SLC25A21: variants seen among roughly 807,000 people sequenced by gnomAD.
SLC25A21 encodes solute carrier family 25 member 21.
Under a neutral mutation model 43.8 loss-of-function variants are expected in SLC25A21, and 47 were observed. That is an observed-to-expected ratio of 1.07 (90% confidence interval 0.85 to 1.37). The LOEUF is 1.37. SLC25A21 is among the 40% of genes most tolerant of loss of function. The pLI, the probability that SLC25A21 is intolerant of heterozygous loss-of-function variation, is 0.00. For missense variants in SLC25A21, 352 were observed against 350.2 expected (o/e 1.00, Z -0.04); for synonymous variants, 131 against 121.3 (o/e 1.08, Z -0.52).
intron 1 of SLC25A21, among the ~76,000 whole-genome samples, chr14:37,084,907 C>A (rs890562706): frequency 2.0e-5 from 3 of 152,142 alleles, no homozygotes; most frequent in Non-Finnish European, 4.4e-5. Context: ...TAATCTATTC[C>A]TTTTTCCTTT....
chr14:36,719,410 C>T (rs573143877), intron 6 of SLC25A21, among the ~76,000 whole-genome samples: 1 of 152,286 alleles, frequency 6.6e-6, no homozygotes, highest in Non-Finnish European at 1.5e-5. Flanking sequence ...AACTCTTTGC[C>T]TGGGTTTAGT....
At chr14:37,085,915 C>T (rs1042054691) in intron 1 of SLC25A21, among the ~76,000 whole-genome samples, 1 of 152,110 alleles carries the variant, frequency 6.6e-6, no homozygotes, top group Non-Finnish European at 1.5e-5. Context: ...ACCATCCTGG[C>T]TAACACGGTG....
chr14:36,872,798 A>G (rs1239173011), intron 2 of SLC25A21, among the ~76,000 whole-genome samples: 2 of 152,228 alleles, frequency 1.3e-5, no homozygotes, highest in Non-Finnish European at 2.9e-5. Context: ...ATAAAGCCCC[A>G]GTAACTTGTT....
chr14:36,860,730 C>G (rs768554375), intron 2 of SLC25A21, among the ~76,000 whole-genome samples: 1 of 152,132 alleles, frequency 6.6e-6, no homozygotes, highest in South Asian at 2.1e-4. Context: ...AACACAAATA[C>G]AGAGACAAGA....
chr14:37,077,359 C>T (rs777412306), intron 1 of SLC25A21, among the ~76,000 whole-genome samples: 2 of 152,142 alleles, frequency 1.3e-5, no homozygotes, highest in Non-Finnish European at 2.9e-5. Context: ...TACTTTTCAA[C>T]ATTGTAAAGT....
intron 1 of SLC25A21, among the ~76,000 whole-genome samples, chr14:36,924,224 C>T (rs1892065499): frequency 6.6e-6 from 1 of 152,102 alleles, no homozygotes; most frequent in Non-Finnish European, 1.5e-5. Flanking sequence ...GACACATGCA[C>T]ATGTATGTTT....
chr14:36,866,931 G>T (rs1009063588), intron 2 of SLC25A21, among the ~76,000 whole-genome samples: 2 of 152,156 alleles, frequency 1.3e-5, no homozygotes, highest in Admixed American at 1.3e-4. Flanking sequence ...TTTATTATTA[G>T]AATTAATTTT....
chr14:37,017,532 CA>C (rs1960887593), intron 1 of SLC25A21, among the ~76,000 whole-genome samples: 1 of 151,962 alleles, frequency 6.6e-6, no homozygotes, highest in Non-Finnish European at 1.5e-5. Context: ...TGGGAATTGT[CA>C]AAATGTGACA....
chr14:36,776,439 C>T (rs1886837928), intron 3 of SLC25A21, among the ~76,000 whole-genome samples: 1 of 151,460 alleles, frequency 6.6e-6, no homozygotes. Context: ...GGGGTTTCAC[C>T]GGGTTAGCCA....
rs1883860535 is a variant in SLC25A21 at position 36,711,401 on chromosome 14, C to T, written c.520G>A (p.Ala174Thr). Residue 174 changes from alanine to threonine, a missense_variant, in exon 7 of 10, where the codon GCA becomes ACA. By Grantham distance (58) the Ala-to-Thr change is moderately conservative. Transcript: ENST00000331299. ...GLQGLNKGLT[A>T]TLGRHGVFNM... ...AAAACTCCATGTCGTCCCAAAGTTG[C>T]AGTTAATCCTTTGTTGAGGCCCTGG... 1 of 1,613,960 alleles carries T rather than the reference C, an allele frequency of 6.2e-7. No homozygotes were observed. Among genetic ancestry groups the T allele is most frequent in the African/African-American group, 1.3e-5 (1 of 74,922 alleles).
At chr14:36,838,204 C>T (rs138403036) in intron 2 of SLC25A21, among the ~76,000 whole-genome samples, 1 of 152,274 alleles carries the variant, frequency 6.6e-6, no homozygotes, top group East Asian at 1.9e-4. Flanking sequence ...GCTTTCTCCT[C>T]GGTGTGAGGA....
chr14:36,984,330 A>C (rs1960097099), intron 1 of SLC25A21, among the ~76,000 whole-genome samples: 1 of 152,206 alleles, frequency 6.6e-6, no homozygotes, highest in Admixed American at 6.5e-5. Context: ...TGAAAAACAA[A>C]GACTAAGGGG....
At chr14:36,737,876 C>T (rs1247708424) in intron 3 of SLC25A21, among the ~76,000 whole-genome samples, 1 of 152,216 alleles carries the variant, frequency 6.6e-6, no homozygotes, top group Non-Finnish European at 1.5e-5. Flanking sequence ...GAGTGAGGCC[C>T]TGCTTCCAGA....
chr14:37,005,477 T>C (rs1328382730), intron 1 of SLC25A21, among the ~76,000 whole-genome samples: 3 of 152,218 alleles, frequency 2.0e-5, no homozygotes, highest in Non-Finnish European at 4.4e-5. Context: ...TACAAAGATA[T>C]ACAATTTTTT....
At chr14:37,123,516 T>C (rs1175787237) in intron 1 of SLC25A21, among the ~76,000 whole-genome samples, 2 of 152,176 alleles carry the variant, frequency 1.3e-5, no homozygotes, top group African/African-American at 4.8e-5. Context: ...TAATGATACA[T>C]TGTTGTAAAC....
chr14:36,707,212 C>T (rs1883610457), intron 7 of SLC25A21, among the ~76,000 whole-genome samples: 1 of 152,220 alleles, frequency 6.6e-6, no homozygotes, highest in African/African-American at 2.4e-5. Flanking sequence ...TCAAATGTCA[C>T]TTCCTCAGGG....
At chr14:36,880,857 T>C (rs546744302) in intron 1 of SLC25A21, among the ~76,000 whole-genome samples, 11 of 152,278 alleles carry the variant, frequency 7.2e-5, no homozygotes, top group African/African-American at 2.2e-4. Flanking sequence ...CAGCATCTAA[T>C]AGACTGACAG....
chr14:37,001,174 T>C (rs1336921946), intron 1 of SLC25A21, among the ~76,000 whole-genome samples: 1 of 152,228 alleles, frequency 6.6e-6, no homozygotes, highest in African/African-American at 2.4e-5. Flanking sequence ...TAGGGACTTA[T>C]TTTACTAAGT....
intron 3 of SLC25A21, among the ~76,000 whole-genome samples, chr14:36,743,647 A>G (rs1885369411): frequency 6.6e-6 from 1 of 152,184 alleles, no homozygotes. Flanking sequence ...GGATGGAACA[A>G]GACAAGGATG....
Sources: gnomAD v4.1 joint callset for allele counts (sites outside exome capture counted in the v4.1 genomes callset) on GRCh38, gnomAD v4.1.1 for gene constraint, MANE v1.5 for transcripts, NCBI Gene and HGNC (gene_info 2026-07-23, HGNC 2026-07-21) for gene names.